Variants in POLR1F observed in about 807,000 individuals in gnomAD.
POLR1F encodes the protein RNA polymerase I subunit F, also known as DNA-directed RNA polymerase I subunit RPA43.
POLR1F carries 23 observed loss-of-function variants against 21.8 expected under a neutral mutation model. The observed-to-expected ratio is 1.05, with a 90% confidence interval of 0.76 to 1.49. The LOEUF is 1.49. Ranked by LOEUF, POLR1F falls within the 40% of genes most tolerant of loss-of-function variation. The pLI is 0.00. For synonymous variants in POLR1F, 162 were observed against 152.8 expected (o/e 1.06, Z -0.45); for missense variants, 435 against 412.1 (o/e 1.06, Z -0.48).
chr7:19,704,983 A>T, intron 1 of POLR1F, 63 bp from the exon 2 acceptor site: 1 of 1,502,278 alleles, frequency 6.7e-7, no homozygotes. Flanking sequence ...ATGTTTTTGG[A>T]GACAGGGTCT....
Position 19,704,793 on chromosome 7 carries a change from CTGGTTCAGGGCAGAAAAT to C in POLR1F, c.364_381del (p.Ile122_Pro127del). 6.3e-7 allele frequency: 1 copy of C among 1,599,834 alleles called. No individual in the cohort carries two copies. Among genetic ancestry groups the C allele is most frequent in the Non-Finnish European group, 8.5e-7 (1 of 1,176,060 alleles). On this transcript the variant is annotated inframe_deletion, in exon 2 of 4. Transcript: ENST00000222567. Reference sequence around the variant, plus strand: ...GATACACATACCATAAGCTTCTGCCCTGGTTCAGGGCAGAAAATAACAAAATCGGCTTCAATGTTAAGA... The same window carrying C: ...GATACACATACCATAAGCTTCTGCCCAACAAAATCGGCTTCAATGTTAAGA...
Position 19,696,793 on chromosome 7 carries a change from A to C in POLR1F, c.*1523T>G, listed in dbSNP as rs1481589923. 1 of 152,104 alleles carries C rather than the reference A, an allele frequency of 6.6e-6. No homozygotes were observed. Among genetic ancestry groups the C allele is most frequent in the Admixed American group, 6.5e-5 (1 of 15,274 alleles). The allele number at this position is 152,104 out of a possible 1,614,324, so 9.4% of individuals were successfully genotyped here. A position where few individuals can be genotyped will look rare whatever the true frequency, so the allele number is the denominator to read the frequency against. On this transcript the variant is annotated 3_prime_UTR_variant, in exon 4 of 4. Transcript: ENST00000222567. Reference sequence around the variant, plus strand: ...GACATATTGATTTCACCAATATAAAAATTGAGATAGTTTACATTTTTTGGT... The same window carrying C: ...GACATATTGATTTCACCAATATAAACATTGAGATAGTTTACATTTTTTGGT...
At chr7:19,703,867 T>A (rs949755015) in intron 2 of POLR1F, among the ~76,000 whole-genome samples, 2 of 152,210 alleles carry the variant, frequency 1.3e-5, no homozygotes, top group African/African-American at 4.8e-5. Flanking sequence ...ATGCTGTGAT[T>A]GTAGGTGTGA....
rs1783347199 is a variant in POLR1F at position 19,695,465 on chromosome 7, A to T, written c.*2851T>A. ...ATCACATCAGAGGCCAAGTGATACC[A>T]TTTGAAACTGTGCTTTTTATTTATC... On this transcript the variant is annotated 3_prime_UTR_variant, in exon 4 of 4. Transcript: ENST00000222567. 1 of 151,906 alleles carries T rather than the reference A, an allele frequency of 6.6e-6. No homozygotes were observed. Among genetic ancestry groups the T allele is most frequent in the South Asian group, 2.1e-4 (1 of 4,826 alleles). The allele number at this position is 151,906 out of a possible 1,614,324, so 9.4% of individuals were successfully genotyped here.
chr7:19,702,916 A>G (rs73274035), intron 2 of POLR1F, among the ~76,000 whole-genome samples: 4,481 of 152,306 alleles, frequency 0.029, 97 homozygotes, highest in East Asian at 0.062. Flanking sequence ...TGAATGGGAA[A>G]TCAGTCTGAC....
At chr7:19,701,312 C>G (rs1433092198) in intron 2 of POLR1F, among the ~76,000 whole-genome samples, 6 of 152,174 alleles carry the variant, frequency 3.9e-5, no homozygotes, top group Non-Finnish European at 8.8e-5. Context: ...CTCTATTCTT[C>G]TTCTTTAAAA....
intron 1 of POLR1F, 79 bp from the exon 2 acceptor site, chr7:19,704,999 T>G: frequency 2.1e-6 from 3 of 1,444,594 alleles, no homozygotes; most frequent in Non-Finnish European, 1.8e-6. Flanking sequence ...GGTCTTGCTC[T>G]GTCACCCAGG....
chr7:19,708,439 C>T (rs184728476), intron 1 of POLR1F, among the ~76,000 whole-genome samples: 7 of 152,182 alleles, frequency 4.6e-5, no homozygotes, highest in Non-Finnish European at 1.0e-4. Flanking sequence ...GAATGCCAAA[C>T]AGAACTGGGC....
At chr7:19,703,890 G>A (rs189599143) in intron 2 of POLR1F, among the ~76,000 whole-genome samples, 3 of 152,258 alleles carry the variant, frequency 2.0e-5, no homozygotes, top group Middle Eastern at 3.4e-3. Flanking sequence ...CACTGTGGCT[G>A]GCCTACATGT....
intron 2 of POLR1F, among the ~76,000 whole-genome samples, chr7:19,704,053 G>GA (rs1783483872): frequency 6.6e-6 from 1 of 152,076 alleles, no homozygotes; most frequent in African/African-American, 2.4e-5. Context: ...ATTGAAAAAT[G>GA]AAAAAAATTG....
At chr7:19,708,645 G>T in intron 1 of POLR1F, 118 bp downstream of exon 1, 2 of 1,407,100 alleles carry the variant, frequency 1.4e-6, no homozygotes, top group South Asian at 1.3e-5. Flanking sequence ...AATCCAGGGG[G>T]CTAAGCTCTG....
In POLR1F at chr7:19,708,797, G is replaced by A. The variant is rs746133025; in HGVS notation, c.220C>T (p.Gln74Ter). 9.3e-6 allele frequency: 15 copies of A among 1,614,058 alleles called. No homozygotes were observed. Among genetic ancestry groups the A allele is most frequent in the Non-Finnish European group, 1.3e-5 (15 of 1,179,874 alleles). ...TAGCGAAGGAGCTCCGCATCAAGCTGTTCTCGAATGCCGGTGCGTTTCCTG... is the reference window on the plus strand; with the variant it reads ...TAGCGAAGGAGCTCCGCATCAAGCTATTCTCGAATGCCGGTGCGTTTCCTG... ...LNRKRTGIRE[Q>*]LDAELLRYSE... The change falls in exon 1 of 4, where the codon CAG becomes TAG. Residue 74 changes from glutamine to a stop codon, truncating the protein, a stop_gained. Transcript: ENST00000222567. LOFTEE classifies it high-confidence loss of function.
Position 19,698,383 on chromosome 7 carries a change from T to A in POLR1F, c.950A>T (p.Glu317Val). ...CAAAGGTGGGGTAAATTCGGCCTCTTCACTGTGTTTTCTTTTCTTTTTTTT... is the reference window on the plus strand; with the variant it reads ...CAAAGGTGGGGTAAATTCGGCCTCTACACTGTGTTTTCTTTTCTTTTTTTT... ...KKKKKKRKHS[E>V]EAEFTPPLKC... Residue 317 changes from glutamate to valine, a missense_variant, in exon 4 of 4, where the codon GAA becomes GTA. Glu to Val is a moderately radical substitution (Grantham distance 121). Transcript: ENST00000222567. 6.3e-7 allele frequency: 1 copy of A among 1,597,054 alleles called. No individual in the cohort carries two copies. The highest frequency in any genetic ancestry group is 8.5e-7 in the Non-Finnish European group (1 of 1,176,068).
At position 19,700,245 on chromosome 7, in the gene POLR1F, GC is replaced by G; in HGVS notation, c.431del (p.Gly144AlafsTer3). ...CATTGAAACACCCATGTACTAAACA[GC>G]CAATGTGGCTAGAAGACACTTTATT... ...IVNKVSSSHI[G>X]CLVHGCFNAS... On this transcript the variant is annotated frameshift_variant, in exon 3 of 4. Transcript: ENST00000222567. LOFTEE classifies it high-confidence loss of function. 1 of 1,613,790 alleles carries G rather than the reference GC, an allele frequency of 6.2e-7. No homozygotes were observed. Among genetic ancestry groups the G allele is most frequent in the Non-Finnish European group, 8.5e-7 (1 of 1,179,758 alleles).
At chr7:19,708,654 T>C in intron 1 of POLR1F, 109 bp downstream of exon 1, 1 of 1,463,540 alleles carries the variant, frequency 6.8e-7, no homozygotes, top group Non-Finnish European at 9.3e-7. Flanking sequence ...GGCTAAGCTC[T>C]GGGGGGCAAT....
At position 19,708,911 on chromosome 7, in the gene POLR1F, C is replaced by A. The variant is rs756414059; in HGVS notation, c.106G>T (p.Ala36Ser). ...CGACTGTTCACCAGCGCACAAGCAG[C>A]GGCATAAGTCGGCAACTCTAGGCAA... The part of the protein sequence containing the change: ...LPCLELPTYA[A>S]ACALVNSRYS... Residue 36 changes from alanine (A) to serine (S), a missense_variant, in exon 1 of 4, where the codon GCT (alanine) becomes TCT (serine). Ala to Ser is a moderately conservative substitution (Grantham distance 99). Transcript: ENST00000222567. 4 of 1,613,826 alleles carry A rather than the reference C, an allele frequency of 2.5e-6. No homozygotes were observed. The Admixed American group carries it at 5.0e-5, about 20-fold the overall frequency.
intron 3 of POLR1F, among the ~76,000 whole-genome samples, chr7:19,699,471 T>C (rs1783421679): frequency 2.6e-5 from 4 of 152,166 alleles, no homozygotes; most frequent in Admixed American, 2.6e-4. Flanking sequence ...TTACAGAAAT[T>C]GAACAGCTGT....
chr7:19,695,934 T>C lies in POLR1F; in HGVS notation c.*2382A>G, dbSNP rs1783356669. On this transcript the variant is annotated 3_prime_UTR_variant, in exon 4 of 4. Coordinates refer to ENST00000222567, the MANE Select transcript of POLR1F (RefSeq NM_001002926.2). The stretch of plus-strand genomic sequence containing the variant: ...TATTTGTACTTGTCATTTATACTTG[T>C]GTATCTTATAGACAAAACGGTAAGC... 6.6e-6 allele frequency: 1 copy of C among 152,166 alleles called. No homozygotes were observed. The highest frequency in any genetic ancestry group is 6.5e-5 in the Admixed American group (1 of 15,276). 9.4% of individuals were successfully genotyped at this position (152,166 alleles called of 1,614,324 possible). A position where few individuals can be genotyped will look rare whatever the true frequency, so the allele number is the denominator to read the frequency against.
chr7:19,707,296 T>A (rs909615193), intron 1 of POLR1F, among the ~76,000 whole-genome samples: 1 of 152,104 alleles, frequency 6.6e-6, no homozygotes, highest in Non-Finnish European at 1.5e-5. Context: ...AGTCTCAGCG[T>A]TAAAGGGACT....
Sources: gnomAD v4.1 joint callset for allele counts (sites outside exome capture counted in the v4.1 genomes callset) on GRCh38, gnomAD v4.1.1 for gene constraint, MANE v1.5 for transcripts, NCBI Gene and HGNC (gene_info 2026-07-23, HGNC 2026-07-21) for gene names.